Variants in ASIC1 observed in about 807,000 individuals in gnomAD.
ASIC1 encodes acid sensing ion channel subunit 1, also known as acid-sensing ion channel 1.
A neutral mutation model predicts 63.4 loss-of-function variants in ASIC1; 21 were observed. That is an observed-to-expected ratio of 0.33 (90% CI 0.23 to 0.48). The LOEUF is 0.48. Ranked by LOEUF, ASIC1 falls within the 20% of genes least tolerant of loss-of-function variation. ASIC1 has a pLI of 0.99. For missense variants in ASIC1, 478 were observed against 695.5 expected (o/e 0.69, Z 3.52); for synonymous variants, 258 against 278.2 (o/e 0.93, Z 0.72).
chr12:50,071,610 G>GGA lies in ASIC1; in HGVS notation c.559-5602_559-5601dup, dbSNP rs558240538. On this transcript the variant is annotated intron_variant, in intron 3 of 11. Coordinates refer to ENST00000447966, the MANE Select transcript of ASIC1 (RefSeq NM_001095.4). ...TTCAGCTTTGTGGGGCTACAAGAGA[G>GGA]GACTAAATTTTGCCAGGAGGCAGTG... 8.0e-3 allele frequency among the ~76,000 whole-genome samples: 1,219 copies of GGA among 152,046 alleles called. 14 individuals carry two copies. The highest frequency in any genetic ancestry group is 0.01 in the Non-Finnish European group (707 of 67,986).
chr12:50,081,205 C>T (rs1430582189), intron 10 of ASIC1, 24 bp downstream of exon 10: 5 of 1,607,902 alleles, frequency 3.1e-6, no homozygotes, highest in African/African-American at 1.3e-5. Context: ...AGGCCCGGCA[C>T]GGGGCCACGT....
chr12:50,070,408 G>A (rs550317871), intron 3 of ASIC1, among the ~76,000 whole-genome samples: 37 of 151,160 alleles, frequency 2.4e-4, no homozygotes, highest in South Asian at 1.3e-3. Flanking sequence ...GTGTTGGGGC[G>A]TGTGTGTGTG....
intron 3 of ASIC1, 141 bp downstream of exon 3, chr12:50,060,095 G>A (rs1950487465): frequency 9.7e-7 from 1 of 1,034,484 alleles, no homozygotes; most frequent in South Asian, 1.6e-5. Flanking sequence ...TAGTAGAAGG[G>A]GAGTTTGTTC....
chr12:50,079,830 A>C, intron 7 of ASIC1, 72 bp from the exon 8 acceptor site: 1 of 1,518,362 alleles, frequency 6.6e-7, no homozygotes, highest in Non-Finnish European at 8.9e-7. Flanking sequence ...GGGCAGAGCT[A>C]GGATGTGCAT....
At chr12:50,073,540 C>T in intron 3 of ASIC1, 1 of 1,464,388 alleles carries the variant, frequency 6.8e-7, no homozygotes, top group Non-Finnish European at 9.0e-7. Context: ...GGCACCTTCC[C>T]CCTTCCTCCT....
intron 3 of ASIC1, among the ~76,000 whole-genome samples, chr12:50,064,082 AG>A (rs1950524501): frequency 6.6e-6 from 1 of 152,120 alleles, no homozygotes; most frequent in Admixed American, 6.5e-5. Context: ...ATGGGTGGGA[AG>A]GGGGAACATG....
rs1339049025 is a variant in ASIC1 at position 50,077,274 on chromosome 12, T to C, written c.620T>C (p.Leu207Pro). 5.6e-6 allele frequency: 9 copies of C among 1,613,958 alleles called. No homozygotes were observed. The highest frequency in any genetic ancestry group is 1.3e-5 in the African/African-American group (1 of 74,876). Reference sequence around the variant, plus strand: ...TCGGGCCGAGATGGGCGGCCGCGGCTGAAGACCATGAAGGGTGGGACGGGC... The same window carrying C: ...TCGGGCCGAGATGGGCGGCCGCGGCCGAAGACCATGAAGGGTGGGACGGGC... The part of the protein sequence containing the change: ...FNSGRDGRPR[L>P]KTMKGGTGNG... The change falls in exon 4 of 12, where the codon CTG (leucine) becomes CCG (proline). Residue 207 changes from leucine to proline, a missense_variant. Physicochemically the swap from Leu to Pro is moderately conservative, Grantham distance 98 (BLOSUM62 -3). Transcript: ENST00000447966.
At chr12:50,077,148 G>A (rs1428926632) in intron 3 of ASIC1, 65 bp from the exon 4 acceptor site, 7 of 1,609,486 alleles carry the variant, frequency 4.3e-6, no homozygotes, top group Non-Finnish European at 5.9e-6. Context: ...GGGTGGCTAG[G>A]AACAGCCCTT....
At chr12:50,072,645 G>A (rs942056128) in intron 3 of ASIC1, among the ~76,000 whole-genome samples, 1 of 152,122 alleles carries the variant, frequency 6.6e-6, no homozygotes, top group Non-Finnish European at 1.5e-5. Flanking sequence ...TGTTCGGGGG[G>A]CGGGGGGCAG....
chr12:50,073,828 GA>G lies in ASIC1; in HGVS notation c.559-3384del, dbSNP rs1439622983. On this transcript the variant is annotated intron_variant, in intron 3 of 11. Transcript: ENST00000447966. ...CCATGGCACCAACCACATTTTTGTG[GA>G]GGGGGGTCCAGGGCCAAGGCAGGTG... 3 of 1,531,870 alleles carry G rather than the reference GA, an allele frequency of 2.0e-6. No homozygotes were observed. The Admixed American group carries it at 5.9e-5, about 30-fold the overall frequency. 94.9% of individuals were successfully genotyped at this position (1,531,870 alleles called of 1,614,324 possible). A position where few individuals can be genotyped will look rare whatever the true frequency, so the allele number is the denominator to read the frequency against.
intron 3 of ASIC1, among the ~76,000 whole-genome samples, chr12:50,070,321 A>C (rs1950586247): frequency 6.6e-6 from 1 of 152,098 alleles, no homozygotes; most frequent in Non-Finnish European, 1.5e-5. Context: ...TTGAACAAGC[A>C]TACAGGCGAT....
Position 50,058,949 on chromosome 12 carries a change from C to T in ASIC1, c.183C>T (p.Cys61=), listed in dbSNP as rs759252498. 5.0e-6 allele frequency: 8 copies of T among 1,614,016 alleles called. No homozygotes were observed. The Admixed American group carries it at 8.3e-5, about 17-fold the overall frequency. ...CCCTGGCTGTGCTGCTGTGTGTGTG[C>T]ACGGAGCGTGTGCAGTACTACTTCC... ...LGSLAVLLCV[C]TERVQYYFHY... Residue 61 remains cysteine, a synonymous_variant, in exon 2 of 12, where the codon TGC becomes TGT. Coordinates refer to ENST00000447966, the MANE Select transcript of ASIC1 (RefSeq NM_001095.4).
intron 3 of ASIC1, chr12:50,070,817 TGGCA>T (rs1456114561): frequency 2.6e-5 from 4 of 152,370 alleles, no homozygotes; most frequent in Non-Finnish European, 5.9e-5. Context: ...GCTCAAGATC[TGGCA>T]GGCAGGAAAA....
chr12:50,061,129 T>A (rs1322442370), intron 3 of ASIC1, among the ~76,000 whole-genome samples: 2 of 152,220 alleles, frequency 1.3e-5, no homozygotes, highest in African/African-American at 4.8e-5. Flanking sequence ...CAGGACCCTT[T>A]GCTCTCCATG....
At chr12:50,068,627 T>C (rs1950568850) in intron 3 of ASIC1, among the ~76,000 whole-genome samples, 1 of 151,860 alleles carries the variant, frequency 6.6e-6, no homozygotes. Flanking sequence ...ACGTCTCTAC[T>C]TGGATGTCCC....
At chr12:50,080,704 C>T (rs1592280637) in intron 9 of ASIC1, 115 bp downstream of exon 9, 1 of 1,613,866 alleles carries the variant, frequency 6.2e-7, no homozygotes, top group East Asian at 2.2e-5. Context: ...CCCCAGAGGC[C>T]CTTCCCCAAA....
chr12:50,058,783 A>G lies in ASIC1; in HGVS notation c.17A>G (p.Glu6Gly), dbSNP rs1950471188. Reference sequence around the variant, plus strand: ...TCAACAAGGATGGAACTGAAGGCCGAGGAGGAGGAGGTGGGTGGCGTCCAG... The same window carrying G: ...TCAACAAGGATGGAACTGAAGGCCGGGGAGGAGGAGGTGGGTGGCGTCCAG... MELKA[E>G]EEEVGGVQPV... The change falls in exon 2 of 12, where the codon GAG (glutamate) becomes GGG (glycine). Residue 6 changes from glutamate (E) to glycine (G), a missense_variant. Glu to Gly is a moderately conservative substitution (Grantham distance 98). Coordinates refer to ENST00000447966, the MANE Select transcript of ASIC1 (RefSeq NM_001095.4). 6 of 1,583,476 alleles carry G rather than the reference A, an allele frequency of 3.8e-6. No individual in the cohort carries two copies. The African/African-American group carries it at 4.0e-5, about 11-fold the overall frequency.
At chr12:50,071,161 G>C (rs571424980) in intron 3 of ASIC1, among the ~76,000 whole-genome samples, 2 of 152,252 alleles carry the variant, frequency 1.3e-5, no homozygotes, top group East Asian at 3.9e-4. Context: ...GAATTCTCCA[G>C]ATGGAGTCCA....
At chr12:50,058,648 G>C in intron 1 of ASIC1, 103 bp from the exon 2 acceptor site, 1 of 1,405,384 alleles carries the variant, frequency 7.1e-7, no homozygotes, top group South Asian at 1.4e-5. Flanking sequence ...CCCGAGGAGT[G>C]GTGACCTCTG....
Sources: allele counts gnomAD v4.1 joint callset (sites outside exome capture counted in the v4.1 genomes callset), GRCh38; gene constraint gnomAD v4.1.1; transcripts MANE v1.5; gene names NCBI Gene and HGNC (gene_info 2026-07-23, HGNC 2026-07-21).